Variants in MYO3A observed in about 807,000 individuals in gnomAD.
MYO3A encodes the protein myosin-IIIa.
In MYO3A, 180 loss-of-function variants were observed where a neutral mutation model predicts 192.7. The ratio of observed to expected loss-of-function variants is 0.93; its 90% CI spans 0.83 to 1.06. The LOEUF (loss-of-function observed/expected upper bound fraction) is 1.06. Among genes scored for constraint, MYO3A ranks in the 50% least tolerant of loss-of-function variants. The pLI, the probability that MYO3A is intolerant of heterozygous loss-of-function variation, is 0.00. For synonymous variants in MYO3A, 628 were observed against 645.3 expected (o/e 0.97, Z 0.41); for missense variants, 1,896 against 1,905.0 (o/e 1.00, Z 0.09).
chr10:26,170,619 C>G, intron 29 of MYO3A, 80 bp downstream of exon 29: 1 of 1,448,804 alleles, frequency 6.9e-7, no homozygotes, highest in East Asian at 2.4e-5. Context: ...TGTTCACAGC[C>G]TTTCTTGTAC....
chr10:25,951,491 G>T (rs2130543175), intron 2 of MYO3A, among the ~76,000 whole-genome samples: 1 of 152,216 alleles, frequency 6.6e-6, no homozygotes, highest in South Asian at 2.1e-4. Context: ...CAGGAATAGT[G>T]TATATTAAAG....
chr10:26,019,224 T>C (rs1842148357), intron 7 of MYO3A, among the ~76,000 whole-genome samples: 3 of 18,358 alleles, frequency 1.6e-4, no homozygotes, highest in African/African-American at 4.7e-4. Flanking sequence ...ATTCTATTTA[T>C]TTATTTATTT....
At chr10:26,050,262 C>T (rs144455190) in intron 10 of MYO3A, among the ~76,000 whole-genome samples, 249 of 152,272 alleles carry the variant, frequency 1.6e-3, no homozygotes, top group African/African-American at 5.9e-3. Flanking sequence ...CCACCGCACC[C>T]AGCCATTATT....
chr10:26,008,709 G>A (rs1399683653), intron 6 of MYO3A, among the ~76,000 whole-genome samples: 1 of 151,608 alleles, frequency 6.6e-6, no homozygotes, highest in African/African-American at 2.4e-5. Flanking sequence ...AATGGCAATT[G>A]TTAAAAAGTC....
At chr10:26,059,977 G>A (rs575662530) in intron 10 of MYO3A, among the ~76,000 whole-genome samples, 1 of 152,262 alleles carries the variant, frequency 6.6e-6, no homozygotes, top group South Asian at 2.1e-4. Flanking sequence ...CAAAACTTAG[G>A]CTGGGCGTGA....
At chr10:26,192,723 T>G (rs11014992) in intron 31 of MYO3A, among the ~76,000 whole-genome samples, 124,303 of 149,532 alleles carry the variant, frequency 0.83, 51,971 homozygotes, top group East Asian at 0.92. Context: ...GCACGGTCTT[T>G]ACTCATTGCA....
In MYO3A at chr10:26,161,851, G is replaced by A. The variant is rs574134341; in HGVS notation, c.3000-4216G>A. 1.5e-4 allele frequency among the ~76,000 whole-genome samples: 23 copies of A among 152,140 alleles called. No individual in the cohort carries two copies. The East Asian group carries it at 1.7e-3, about 11-fold the overall frequency. On this transcript the variant is annotated intron_variant, in intron 26 of 34. Transcript: ENST00000642920. Reference sequence around the variant, plus strand: ...CCTAGGGGATGCCCTCCATAAGCACGTGTGGCTTACCTAAGTATTTATTTC... The same window carrying A: ...CCTAGGGGATGCCCTCCATAAGCACATGTGGCTTACCTAAGTATTTATTTC...
chr10:26,193,292 C>CATACTATTATCTACTTCATGTAA lies in MYO3A; in HGVS notation c.4527_4545+4dup, dbSNP rs1843243064. ...ACATTAAATAACCCTGAAGACTCCA[C>CATACTATTATCTACTTCATGTAA]ATACTATTATCTACTTCATGTAAGT... On this transcript the variant is annotated frameshift_variant, in exon 32 of 35. Transcript: ENST00000642920. LOFTEE classifies it high-confidence loss of function. The CATACTATTATCTACTTCATGTAA allele has an allele frequency of 6.2e-7, 1 of 1,613,068 alleles. No individual in the cohort carries two copies. The highest frequency in any genetic ancestry group is 1.7e-5 in the Admixed American group (1 of 59,986).
chr10:26,159,363 CTTT>C (rs60037752), intron 26 of MYO3A, among the ~76,000 whole-genome samples: 9 of 128,282 alleles, frequency 7.0e-5, no homozygotes, highest in Admixed American at 1.6e-4. Flanking sequence ...TTTTCTTTTT[CTTT>C]TTTTTTTTTT....
chr10:26,086,834 G>A (rs927129342), intron 14 of MYO3A, among the ~76,000 whole-genome samples: 2 of 152,054 alleles, frequency 1.3e-5, no homozygotes, highest in Non-Finnish European at 2.9e-5. Flanking sequence ...ATTTTCTCAC[G>A]GGTCTTTGCT....
At chr10:26,189,165 CTGCCCA>C (rs1843002705) in intron 31 of MYO3A, among the ~76,000 whole-genome samples, 1 of 152,182 alleles carries the variant, frequency 6.6e-6, no homozygotes, top group African/African-American at 2.4e-5. Flanking sequence ...AATGGCCATA[CTGCCCA>C]AGGTAATTTA....
intron 14 of MYO3A, among the ~76,000 whole-genome samples, chr10:26,084,268 G>T (rs1836164186): frequency 6.6e-6 from 1 of 152,162 alleles, no homozygotes; most frequent in Non-Finnish European, 1.5e-5. Flanking sequence ...TGTTAAGCTA[G>T]ACTTGCATGC....
At chr10:26,155,386 A>G (rs78107036) in intron 25 of MYO3A, among the ~76,000 whole-genome samples, 9,300 of 152,310 alleles carry the variant, frequency 0.061, 368 homozygotes, top group Non-Finnish European at 0.088. Context: ...AAAGAAAAAA[A>G]CCAAGTACTT....
intron 15 of MYO3A, among the ~76,000 whole-genome samples, chr10:26,095,713 A>G (rs1208494835): frequency 6.6e-6 from 1 of 152,218 alleles, no homozygotes; most frequent in Non-Finnish European, 1.5e-5. Context: ...GCATTATTGC[A>G]GCATCTGGAA....
intron 4 of MYO3A, among the ~76,000 whole-genome samples, chr10:25,962,350 A>G (rs555286803): frequency 6.6e-6 from 1 of 152,292 alleles, no homozygotes; most frequent in South Asian, 2.1e-4. Flanking sequence ...TATTTTGAGA[A>G]TCTAAATGGT....
intron 4 of MYO3A, among the ~76,000 whole-genome samples, chr10:25,974,414 A>G (rs1588686722): frequency 6.6e-6 from 1 of 152,154 alleles, no homozygotes; most frequent in Non-Finnish European, 1.5e-5. Flanking sequence ...CACTCTTTTC[A>G]AGAGTACTCT....
At chr10:25,993,768 G>T (rs1330294243) in intron 4 of MYO3A, among the ~76,000 whole-genome samples, 1 of 152,062 alleles carries the variant, frequency 6.6e-6, no homozygotes, top group African/African-American at 2.4e-5. Flanking sequence ...ATTTCATTAT[G>T]TACCCAGTTG....
intron 10 of MYO3A, among the ~76,000 whole-genome samples, chr10:26,040,055 G>A (rs1386139816): frequency 1.3e-5 from 2 of 151,498 alleles, no homozygotes; most frequent in Non-Finnish European, 2.9e-5. Context: ...GTATTCCATA[G>A]GTTATGGTAT....
intron 10 of MYO3A, among the ~76,000 whole-genome samples, chr10:26,046,248 C>A (rs1445717224): frequency 6.6e-6 from 1 of 152,152 alleles, no homozygotes; most frequent in Non-Finnish European, 1.5e-5. Context: ...TAATCTGATA[C>A]TATCTCCAGG....
Sources: allele counts gnomAD v4.1 joint callset (sites outside exome capture counted in the v4.1 genomes callset), GRCh38; gene constraint gnomAD v4.1.1; transcripts MANE v1.5; gene names NCBI Gene and HGNC (gene_info 2026-07-23, HGNC 2026-07-21).